The following ARID1B variants were observed in gnomAD, a reference collection of about 807,000 sequenced individuals.
ARID1B encodes the protein AT-rich interactive domain-containing protein 1B.
Under a neutral mutation model 212.3 loss-of-function variants are expected in ARID1B, and 30 were observed. The ratio of observed to expected loss-of-function variants is 0.14; its 90% CI spans 0.11 to 0.19. The LOEUF is 0.19. Ranked by LOEUF, ARID1B falls within the 10% of genes least tolerant of loss-of-function variation. The pLI is 1.00. For synonymous variants in ARID1B, 1,402 were observed against 1,301.7 expected (o/e 1.08, Z -1.66); for missense variants, 2,891 against 3,204.0 (o/e 0.90, Z 2.36).
intron 4 of ARID1B, among the ~76,000 whole-genome samples, chr6:157,075,264 G>A (rs1360108864): frequency 3.9e-5 from 6 of 152,114 alleles, no homozygotes; most frequent in South Asian, 2.1e-4. Flanking sequence ...TACTGCATTT[G>A]TTGAATTTGA....
chr6:156,960,641 T>C (rs952012683), intron 4 of ARID1B, among the ~76,000 whole-genome samples: 2 of 152,194 alleles, frequency 1.3e-5, no homozygotes, highest in African/African-American at 4.8e-5. Flanking sequence ...AGCAACAATT[T>C]CACTACTAGT....
intron 18 of ARID1B, among the ~76,000 whole-genome samples, chr6:157,202,151 T>C (rs980350293): frequency 3.3e-5 from 5 of 152,244 alleles, no homozygotes; most frequent in Admixed American, 6.5e-5. Context: ...ACTGGTAGAC[T>C]TGGGCCAAGA....
intron 4 of ARID1B, among the ~76,000 whole-genome samples, chr6:156,996,626 G>T (rs141126534): frequency 2.4e-4 from 36 of 152,254 alleles, no homozygotes; most frequent in Admixed American, 1.5e-3. Context: ...GAGACAGAGG[G>T]TATTAAGCCT....
intron 5 of ARID1B, among the ~76,000 whole-genome samples, chr6:157,093,634 T>G (rs1785425497): frequency 6.6e-6 from 1 of 152,224 alleles, no homozygotes; most frequent in African/African-American, 2.4e-5. Flanking sequence ...ATATTCTCCC[T>G]TCCAAACAGA....
At chr6:156,962,473 G>A (rs895562315) in intron 4 of ARID1B, among the ~76,000 whole-genome samples, 7 of 152,202 alleles carry the variant, frequency 4.6e-5, no homozygotes, top group African/African-American at 1.7e-4. Flanking sequence ...TTGGGGCGTG[G>A]TGGGGACGTG....
intron 2 of ARID1B, among the ~76,000 whole-genome samples, chr6:156,831,515 G>T (rs995697383): frequency 1.3e-5 from 2 of 152,224 alleles, no homozygotes; most frequent in Non-Finnish European, 2.9e-5. Context: ...TTAGTTTCCA[G>T]TCCCAAAGTG....
chr6:157,102,987 T>C (rs992375090), intron 5 of ARID1B, among the ~76,000 whole-genome samples: 1 of 152,198 alleles, frequency 6.6e-6, no homozygotes, highest in Admixed American at 6.5e-5. Flanking sequence ...AACCACCTGT[T>C]TTGGCAAATA....
At chr6:157,110,131 A>G (rs976967632) in intron 5 of ARID1B, among the ~76,000 whole-genome samples, 1 of 152,240 alleles carries the variant, frequency 6.6e-6, no homozygotes, top group Non-Finnish European at 1.5e-5. Context: ...CTCACGTAAG[A>G]GTCAGGAGGA....
At chr6:156,853,084 A>G (rs536236483) in intron 2 of ARID1B, among the ~76,000 whole-genome samples, 52 of 152,212 alleles carry the variant, frequency 3.4e-4, no homozygotes, top group Non-Finnish European at 6.0e-4. Context: ...TACTAAGACC[A>G]TGGTATAGGG....
intron 8 of ARID1B, among the ~76,000 whole-genome samples, chr6:157,157,026 T>C (rs1790622833): frequency 6.6e-6 from 1 of 152,158 alleles, no homozygotes; most frequent in Admixed American, 6.5e-5. Flanking sequence ...TTCTGCCCTT[T>C]TGCTTCCTCT....
intron 3 of ARID1B, among the ~76,000 whole-genome samples, chr6:156,916,569 G>A (rs1790374321): frequency 6.6e-6 from 1 of 152,032 alleles, no homozygotes; most frequent in African/African-American, 2.4e-5. Flanking sequence ...ATATAGAAGG[G>A]GAAAGCTCCT....
Position 156,914,364 on chromosome 6 carries a change from G to A in ARID1B, c.2136+12839G>A, listed in dbSNP as rs868731351. On this transcript the variant is annotated intron_variant, in intron 3 of 19. Coordinates refer to ENST00000636930, the MANE Select transcript of ARID1B (RefSeq NM_001374828.1). ...GTGATAGTCATTCCTTCCATCCTTC[G>A]CCTGTCATTAGGATTCCATGCAGCT... Among the ~76,000 whole-genome samples the A allele has an allele frequency of 1.1e-4, 17 of 152,264 alleles. No homozygotes were observed. The South Asian group carries it at 2.7e-3, about 24-fold the overall frequency.
At chr6:156,888,344 T>C (rs1025809651) in intron 2 of ARID1B, among the ~76,000 whole-genome samples, 1 of 152,260 alleles carries the variant, frequency 6.6e-6, no homozygotes, top group African/African-American at 2.4e-5. Context: ...CACCATGTGC[T>C]TGTGGACCAA....
chr6:157,110,948 C>T (rs56045036), intron 6 of ARID1B: 2 of 206,716 alleles, frequency 9.7e-6, no homozygotes, highest in Non-Finnish European at 1.0e-5. Context: ...TGTGTTAATA[C>T]TGGTTATTCC....
At position 157,203,424 on chromosome 6, in the gene ARID1B, T is replaced by C. The variant is rs534697992; in HGVS notation, c.5264-442T>C. On this transcript the variant is annotated intron_variant, in intron 18 of 19. Coordinates refer to ENST00000636930, the MANE Select transcript of ARID1B (RefSeq NM_001374828.1). This position sits in a 1 kb window ranked among gnomAD's most constrained non-coding sequence, Gnocchi z 4.4. ...GTCTTGGAGTTAAATTTTGCTTCCA[T>C]GTTCTGCATACTTGGCGGCCTTCCA... 1.6e-4 allele frequency among the ~76,000 whole-genome samples: 25 copies of C among 152,330 alleles called. No individual in the cohort carries two copies. Among genetic ancestry groups the C allele is most frequent in the African/African-American group, 3.6e-4 (15 of 41,582 alleles).
intron 15 of ARID1B, chr6:157,195,094 G>C (rs945226874): frequency 2.0e-5 from 3 of 152,206 alleles, no homozygotes; most frequent in Non-Finnish European, 4.4e-5. Context: ...GCCTGTATTA[G>C]TTTTCTATGT....
Position 157,201,164 on chromosome 6 carries a change from T to C in ARID1B, c.4939T>C (p.Ser1647Pro), listed in dbSNP as rs1189546002. 3 of 1,613,928 alleles carry C rather than the reference T, an allele frequency of 1.9e-6. No homozygotes were observed. Among genetic ancestry groups the C allele is most frequent in the Admixed American group, 1.7e-5 (1 of 59,990 alleles). ...SHVSQRQPYM[S>P]SSASMQPITR... is the part of the protein sequence containing the mutation. ...CGTCAGCCAGCGTCAGCCTTATATG[T>C]CGTCCTCAGCCTCCATGCAGCCCAT... Residue 1647 changes from serine to proline, a missense_variant, in exon 18 of 20, where the codon TCG becomes CCG. Around this residue, in one of 7 missense-constraint regions of ARID1B, gnomAD observed 666 missense variants for 873.5 expected, o/e 0.76. Coordinates refer to ENST00000636930, the MANE Select transcript of ARID1B (RefSeq NM_001374828.1). This position sits in a 1 kb window ranked among gnomAD's most constrained non-coding sequence, Gnocchi z 5.2.
intron 1 of ARID1B, 114 bp downstream of exon 1, chr6:156,779,585 G>A (rs1779052451): frequency 6.4e-6 from 7 of 1,086,864 alleles, no homozygotes; most frequent in Non-Finnish European, 8.0e-6. Flanking sequence ...GGCGGCGGGG[G>A]CGCGGCGCCC....
intron 4 of ARID1B, among the ~76,000 whole-genome samples, chr6:157,052,580 G>T (rs1367722866): frequency 6.6e-6 from 1 of 152,240 alleles, no homozygotes; most frequent in African/African-American, 2.4e-5. Flanking sequence ...CTGAATGGCT[G>T]CTTATACAGA....
Sources: gnomAD v4.1 joint callset for allele counts (sites outside exome capture counted in the v4.1 genomes callset) on GRCh38, gnomAD v4.1.1 for gene constraint, gnomAD v4.1.1 regional missense constraint, Gnocchi (gnomAD v3.1) non-coding constraint, MANE v1.5 for transcripts, NCBI Gene and HGNC (gene_info 2026-07-23, HGNC 2026-07-21) for gene names.